The following IL12RB2 variants were observed in gnomAD, a reference collection of about 807,000 sequenced individuals.
The protein encoded by IL12RB2 is interleukin 12 receptor subunit beta 2, also known as interleukin-12 receptor subunit beta-2.
Under a neutral mutation model 89.4 loss-of-function variants are expected in IL12RB2, and 82 were observed. The observed-to-expected ratio is 0.92, with a 90% CI of 0.77 to 1.10. The LOEUF (loss-of-function observed/expected upper bound fraction) is 1.10, where lower values mean the gene tolerates loss of function less well. Among genes scored for constraint, IL12RB2 ranks in the 50% least tolerant of loss-of-function variants. The probability of loss-of-function intolerance (pLI) is 0.00; values close to 1 mark genes in which losing one functional copy is unlikely to be tolerated. For missense variants in IL12RB2, 963 were observed against 1,031.9 expected (o/e 0.93, Z 0.92); for synonymous variants, 368 against 370.1 (o/e 0.99, Z 0.07).
intron 9 of IL12RB2, among the ~76,000 whole-genome samples, chr1:67,341,235 T>C (rs1558317410): frequency 1.3e-5 from 2 of 152,172 alleles, no homozygotes; most frequent in South Asian, 4.2e-4. Context: ...CTGGCAGACA[T>C]GGTGAAACCC....
chr1:67,352,077 T>C (rs938984145), intron 10 of IL12RB2, among the ~76,000 whole-genome samples: 2 of 152,256 alleles, frequency 1.3e-5, no homozygotes, highest in African/African-American at 4.8e-5. Context: ...ATCTTGGTTA[T>C]ATATCTTTTC....
chr1:67,316,431 T>TGTGTGTGTGA (rs1163517607), intron 2 of IL12RB2, among the ~76,000 whole-genome samples: 1 of 151,570 alleles, frequency 6.6e-6, no homozygotes, highest in Non-Finnish European at 1.5e-5. Flanking sequence ...AGTGTGTGTG[T>TGTGTGTGTGA]GTGTGTGTGT....
chr1:67,314,662 T>C (rs536847787), intron 2 of IL12RB2, among the ~76,000 whole-genome samples: 1 of 152,206 alleles, frequency 6.6e-6, no homozygotes, highest in Non-Finnish European at 1.5e-5. Context: ...GATTATCACC[T>C]GCGAAAGGAA....
intron 9 of IL12RB2, among the ~76,000 whole-genome samples, chr1:67,345,005 C>T (rs562706327): frequency 4.6e-5 from 7 of 152,140 alleles, no homozygotes; most frequent in African/African-American, 1.7e-4. Context: ...CCTGTCTCTA[C>T]TAAAAATACA....
rs1459639945 is a variant in IL12RB2 at position 67,324,500 on chromosome 1, C to A, written c.365-2235C>A. Reference sequence around the variant, plus strand: ...CCTCCCAAGTAGCTGGGATTATAGACACGCACCACCATGTCTGGCTAATTT... The same window carrying A: ...CCTCCCAAGTAGCTGGGATTATAGAAACGCACCACCATGTCTGGCTAATTT... On this transcript the variant is annotated intron_variant, in intron 4 of 16. Transcript: ENST00000674203. 4.6e-5 allele frequency among the ~76,000 whole-genome samples: 7 copies of A among 152,252 alleles called. 1 individual carries two copies. The highest frequency in any genetic ancestry group is 6.8e-3 in the Middle Eastern group (2 of 294).
intron 2 of IL12RB2, among the ~76,000 whole-genome samples, chr1:67,314,789 C>CT (rs551389698): frequency 1.1e-4 from 16 of 152,270 alleles, no homozygotes; most frequent in Middle Eastern, 3.4e-3. Context: ...ATTGTTGTCT[C>CT]TGTCTTCCTA....
At chr1:67,317,114 T>C (rs943572392) in intron 2 of IL12RB2, among the ~76,000 whole-genome samples, 1 of 152,118 alleles carries the variant, frequency 6.6e-6, no homozygotes, top group Non-Finnish European at 1.5e-5. Context: ...GTAAAGAGAA[T>C]AGCATGAAGG....
intron 1 of IL12RB2, among the ~76,000 whole-genome samples, chr1:67,310,719 T>G (rs1654933216): frequency 6.6e-6 from 1 of 152,032 alleles, no homozygotes; most frequent in African/African-American, 2.4e-5. Context: ...TAGGTGCTGG[T>G]TTTTTGTTTG....
At chr1:67,358,634 A>C (rs1342720882) in intron 10 of IL12RB2, among the ~76,000 whole-genome samples, 1 of 152,056 alleles carries the variant, frequency 6.6e-6, no homozygotes, top group East Asian at 1.9e-4. Context: ...GAACTTAGGT[A>C]ATAGAGTAAA....
intron 9 of IL12RB2, among the ~76,000 whole-genome samples, chr1:67,339,281 G>A (rs1659242628): frequency 6.6e-6 from 1 of 152,132 alleles, no homozygotes; most frequent in African/African-American, 2.4e-5. Flanking sequence ...GAGGTCAGGG[G>A]TTAGAGACCA....
chr1:67,387,697 T>C (rs1665359660), intron 15 of IL12RB2, among the ~76,000 whole-genome samples: 1 of 64,058 alleles, frequency 1.6e-5, no homozygotes, highest in Admixed American at 1.9e-4. Flanking sequence ...AGCAAGACTG[T>C]CTCAAAAAAA....
intron 10 of IL12RB2, among the ~76,000 whole-genome samples, chr1:67,358,005 TAA>T (rs1661586316): frequency 6.6e-6 from 1 of 151,842 alleles, no homozygotes; most frequent in Non-Finnish European, 1.5e-5. Flanking sequence ...AAGAAAAACA[TAA>T]GATTTCAAGT....
intron 13 of IL12RB2, among the ~76,000 whole-genome samples, chr1:67,377,516 G>T (rs1664107816): frequency 6.6e-6 from 1 of 152,174 alleles, no homozygotes. Context: ...TTACCAAACA[G>T]ATAGCTGTAA....
At chr1:67,326,708 A>G in intron 4 of IL12RB2, 27 bp from the exon 5 acceptor site, 1 of 1,609,738 alleles carries the variant, frequency 6.2e-7, no homozygotes, top group Non-Finnish European at 8.5e-7. Flanking sequence ...TGTGTGATAT[A>G]TAAGGTTTTG....
chr1:67,386,876 A>ATATATT (rs1459518998), intron 15 of IL12RB2, among the ~76,000 whole-genome samples: 10 of 22,912 alleles, frequency 4.4e-4, no homozygotes, highest in African/African-American at 7.8e-4. Flanking sequence ...TGTATTTTAT[A>ATATATT]TATATATATA....
chr1:67,361,245 A>G (rs983589567), intron 10 of IL12RB2, among the ~76,000 whole-genome samples: 1 of 152,334 alleles, frequency 6.6e-6, no homozygotes, highest in Non-Finnish European at 1.5e-5. Context: ...AAAAAATTAT[A>G]AGGCATTCTA....
chr1:67,323,542 G>A (rs1014619765), intron 4 of IL12RB2, among the ~76,000 whole-genome samples: 3 of 152,130 alleles, frequency 2.0e-5, no homozygotes, highest in African/African-American at 4.8e-5. Context: ...TTCAGGTGAC[G>A]GCTTTAGGCT....
intron 9 of IL12RB2, among the ~76,000 whole-genome samples, chr1:67,348,800 G>C (rs1458354312): frequency 6.6e-6 from 1 of 152,112 alleles, no homozygotes; most frequent in African/African-American, 2.4e-5. Context: ...AGTTAGGCTT[G>C]TTTTTCAATT....
chr1:67,349,874 G>A (rs543913734), intron 9 of IL12RB2, among the ~76,000 whole-genome samples: 14 of 152,218 alleles, frequency 9.2e-5, no homozygotes, highest in Non-Finnish European at 1.9e-4. Flanking sequence ...TTCACTTAAA[G>A]TGAAAAATAA....
Sources: allele counts gnomAD v4.1 joint callset (sites outside exome capture counted in the v4.1 genomes callset), GRCh38; gene constraint gnomAD v4.1.1; transcripts MANE v1.5; gene names NCBI Gene and HGNC (gene_info 2026-07-23, HGNC 2026-07-21).